Variants in RYR3 observed in about 807,000 individuals in gnomAD.
RYR3 encodes the protein ryanodine receptor 3.
RYR3 carries 207 observed loss-of-function variants against 584.3 expected under a neutral mutation model. The ratio of observed to expected loss-of-function variants is 0.35; its 90% CI spans 0.32 to 0.40. The LOEUF (loss-of-function observed/expected upper bound fraction) is 0.40. Ranked by LOEUF, RYR3 falls within the 10% of genes least tolerant of loss-of-function variation. The pLI, the probability that RYR3 is intolerant of heterozygous loss-of-function variation, is 1.00. For missense variants in RYR3, 5,616 were observed against 6,089.2 expected (o/e 0.92, Z 2.59); for synonymous variants, 2,416 against 2,248.5 (o/e 1.07, Z -2.11).
chr15:33,689,160 G>A (rs1235227135), intron 38 of RYR3, among the ~76,000 whole-genome samples: 2 of 139,418 alleles, frequency 1.4e-5, no homozygotes, highest in African/African-American at 5.4e-5. Context: ...CTCATAGGTA[G>A]GAATTGAACA....
chr15:33,678,279 A>G (rs2152735876), intron 38 of RYR3, among the ~76,000 whole-genome samples: 1 of 152,284 alleles, frequency 6.6e-6, no homozygotes, highest in South Asian at 2.1e-4. Flanking sequence ...AGATGACTGA[A>G]TCATGGGGGG....
At chr15:33,749,914 G>GCCATTGTCATTT in intron 55 of RYR3, 65 bp from the exon 56 acceptor site, 2 of 1,432,604 alleles carry the variant, frequency 1.4e-6, no homozygotes, top group Non-Finnish European at 1.9e-6. Flanking sequence ...AAATGACCTA[G>GCCATTGTCATTT]CAGCTATGAA....
At chr15:33,858,570 T>C (rs1435490675) in intron 99 of RYR3, 2 of 153,704 alleles carry the variant, frequency 1.3e-5, no homozygotes, top group Non-Finnish European at 2.9e-5. Flanking sequence ...GCTTTGATCA[T>C]CGTCTCTCAG....
At chr15:33,613,556 A>C (rs146827008) in intron 19 of RYR3, among the ~76,000 whole-genome samples, 181 bp downstream of exon 19, 128 of 152,306 alleles carry the variant, frequency 8.4e-4, no homozygotes, top group African/African-American at 3.0e-3. Flanking sequence ...TACTGGTAGA[A>C]CCTCCCCCAG....
chr15:33,642,728 A>G (rs546870300), intron 27 of RYR3, among the ~76,000 whole-genome samples: 1 of 152,342 alleles, frequency 6.6e-6, no homozygotes, highest in South Asian at 2.1e-4. Context: ...CTATCACAAA[A>G]ATACAGAAGC....
chr15:33,606,435 C>A (rs1194028142), intron 18 of RYR3, among the ~76,000 whole-genome samples: 1 of 152,196 alleles, frequency 6.6e-6, no homozygotes, highest in Non-Finnish European at 1.5e-5. Flanking sequence ...AAAGAACCCC[C>A]ATTCCATGCT....
In RYR3 at chr15:33,748,242, T is replaced by G. The variant is rs1457051430; in HGVS notation, c.8118T>G (p.Ser2706Arg). 1 of 1,613,786 alleles carries G rather than the reference T, an allele frequency of 6.2e-7. No individual in the cohort carries two copies. Among genetic ancestry groups the G allele is most frequent in the Admixed American group, 1.7e-5 (1 of 60,016 alleles). The change falls in exon 54 of 104, where the codon AGT becomes AGG. Residue 2706 changes from serine (S) to arginine (R), a missense_variant. Physicochemically the swap from Ser to Arg is moderately radical, Grantham distance 110. This residue lies in a region of RYR3 where 1,280 missense variants were observed against 1,426.2 expected (regional missense o/e 0.90). Coordinates refer to ENST00000634891, the MANE Select transcript of RYR3 (RefSeq NM_001036.6). ...AGCGGGAAAATGAGAAGCTTCGAAG[T>G]GTGTCCCAGGCCAACCAGGTATGAC... ...VQQRENEKLR[S>R]VSQANQGNSY...
Position 33,714,153 on chromosome 15 carries a change from A to C in RYR3, c.6619+7099A>C, listed in dbSNP as rs556619950. Among the ~76,000 whole-genome samples the C allele has an allele frequency of 3.9e-5, 6 of 152,284 alleles. No individual in the cohort carries two copies. In the East Asian group the frequency reaches 1.2e-3, roughly 29 times the overall value. On this transcript the variant is annotated intron_variant, in intron 43 of 103. Transcript: ENST00000634891. ...GGCCACAGTTTATGAACCATTGTGCACTGTTGTCTTCCTGTCTCCCTAATC... is the reference window on the plus strand; with the variant it reads ...GGCCACAGTTTATGAACCATTGTGCCCTGTTGTCTTCCTGTCTCCCTAATC...
intron 1 of RYR3, among the ~76,000 whole-genome samples, chr15:33,403,821 C>T (rs981631873): frequency 4.6e-5 from 7 of 152,120 alleles, no homozygotes; most frequent in Non-Finnish European, 1.0e-4. Flanking sequence ...TCCTCCAGTG[C>T]CTTTGAAATA....
chr15:33,449,836 A>AT, intron 1 of RYR3, among the ~76,000 whole-genome samples: 1 of 152,108 alleles, frequency 6.6e-6, no homozygotes, highest in Non-Finnish European at 1.5e-5. Context: ...AAAGGAAGGT[A>AT]TTTAACCAGA....
intron 67 of RYR3, among the ~76,000 whole-genome samples, chr15:33,790,957 G>A (rs148080969): frequency 0.011 from 1,632 of 152,286 alleles, 23 homozygotes; most frequent in Non-Finnish European, 0.014. Context: ...AATAAGATGA[G>A]AACTGAGACT....
At chr15:33,455,818 T>C (rs534218010) in intron 1 of RYR3, among the ~76,000 whole-genome samples, 22 of 152,316 alleles carry the variant, frequency 1.4e-4, no homozygotes, top group African/African-American at 5.1e-4. Flanking sequence ...TTATTTCCTA[T>C]TTATTGCACA....
intron 1 of RYR3, among the ~76,000 whole-genome samples, chr15:33,405,502 C>T (rs1476199109): frequency 6.6e-6 from 1 of 152,136 alleles, no homozygotes; most frequent in East Asian, 1.9e-4. Context: ...CCCATGAAAC[C>T]TCCTTGGCAT....
At chr15:33,632,836 G>C in intron 23 of RYR3, 113 bp from the exon 24 acceptor site, 1 of 854,044 alleles carries the variant, frequency 1.2e-6, no homozygotes, top group East Asian at 2.5e-5. Flanking sequence ...AGTGGGACCT[G>C]TGACTGTAGC....
chr15:33,732,690 G>T (rs2069074545), intron 48 of RYR3, among the ~76,000 whole-genome samples: 1 of 152,150 alleles, frequency 6.6e-6, no homozygotes, highest in Non-Finnish European at 1.5e-5. Context: ...TATCAGAAAT[G>T]CCTGATGAGT....
At chr15:33,548,939 C>A (rs117047133) in intron 9 of RYR3, among the ~76,000 whole-genome samples, 3,417 of 152,198 alleles carry the variant, frequency 0.022, 51 homozygotes, top group Non-Finnish European at 0.035. Context: ...TCAGTCTCCC[C>A]CCGAAAATAT....
intron 12 of RYR3, among the ~76,000 whole-genome samples, chr15:33,575,178 T>C (rs2058233389): frequency 7.0e-6 from 1 of 142,442 alleles, no homozygotes; most frequent in African/African-American, 3.0e-5. Flanking sequence ...ACAATAATAG[T>C]GGGAGACTTT....
intron 46 of RYR3, among the ~76,000 whole-genome samples, chr15:33,728,627 C>G (rs551749193): frequency 6.6e-5 from 10 of 152,290 alleles, no homozygotes; most frequent in African/African-American, 2.4e-4. Context: ...AATCCAAAAT[C>G]CAGAATACTC....
Position 33,336,440 on chromosome 15 carries a change from AAGAGAGAGAGAGAGAG to A in RYR3, c.51+25376_51+25391del, listed in dbSNP as rs1204873404. Among the ~76,000 whole-genome samples, 22 of 12,142 alleles carry A rather than the reference AAGAGAGAGAGAGAGAG, an allele frequency of 1.8e-3. 8 individuals carry two copies. Among genetic ancestry groups the A allele is most frequent in the African/African-American group, 4.6e-3 (5 of 1,090 alleles). The allele number at this position is 12,142 out of a possible 152,430, so 8.0% of individuals were successfully genotyped here. A position where few individuals can be genotyped will look rare whatever the true frequency, so the allele number is the denominator to read the frequency against. ...GACGAAAGAAAGAAAGAAAGAAAGA[AAGAGAGAGAGAGAGAG>A]AGAGAGAGAGAGAGAGAGAGAGAGA... On this transcript the variant is annotated intron_variant, in intron 1 of 103. Transcript: ENST00000634891.
Sources: gnomAD v4.1 joint callset for allele counts (sites outside exome capture counted in the v4.1 genomes callset) on GRCh38, gnomAD v4.1.1 for gene constraint, gnomAD v4.1.1 regional missense constraint, MANE v1.5 for transcripts, NCBI Gene and HGNC (gene_info 2026-07-23, HGNC 2026-07-21) for gene names.